GSG1L: variants seen among roughly 807,000 people sequenced by gnomAD.
GSG1L encodes the protein GSG1 like, also known as germ cell-specific gene 1-like protein.
In GSG1L, 24 loss-of-function variants were observed where a neutral mutation model predicts 42.1. The observed-to-expected ratio is 0.57, with a 90% CI of 0.41 to 0.80. The LOEUF is 0.80. Among genes scored for constraint, GSG1L ranks in the 30% least tolerant of loss-of-function variants. The pLI is 0.00. For synonymous variants in GSG1L, 215 were observed against 203.5 expected (o/e 1.06, Z -0.48); for missense variants, 445 against 472.2 (o/e 0.94, Z 0.53).
At chr16:27,797,370 T>C (rs1448198776) in intron 6 of GSG1L, among the ~76,000 whole-genome samples, 1 of 150,140 alleles carries the variant, frequency 6.7e-6, no homozygotes, top group Non-Finnish European at 1.5e-5. Flanking sequence ...TAAAAATACA[T>C]AAATTATCTT....
chr16:27,813,784 G>A (rs1028215440), intron 5 of GSG1L, among the ~76,000 whole-genome samples: 1 of 152,350 alleles, frequency 6.6e-6, no homozygotes, highest in South Asian at 2.1e-4. Flanking sequence ...CAGGAAACAC[G>A]GAGGGGACAA....
In GSG1L at chr16:27,789,034, C is replaced by A. The variant is rs551845129; in HGVS notation, c.*2336G>T. 1 of 152,306 alleles carries A rather than the reference C, an allele frequency of 6.6e-6. No individual in the cohort carries two copies. Among genetic ancestry groups the A allele is most frequent in the African/African-American group, 2.4e-5 (1 of 41,554 alleles). The allele number at this position is 152,306 out of a possible 1,614,324, so 9.4% of individuals were successfully genotyped here. A position where few individuals can be genotyped will look rare whatever the true frequency, so the allele number is the denominator to read the frequency against. On this transcript the variant is annotated 3_prime_UTR_variant, in exon 7 of 7. Coordinates refer to ENST00000447459, the MANE Select transcript of GSG1L (RefSeq NM_001109763.2). ...TATCAGTGAATAGATGGATGCACAGCTGGATGGTTGAGTAATGAGGATGTG... is the reference window on the plus strand; with the variant it reads ...TATCAGTGAATAGATGGATGCACAGATGGATGGTTGAGTAATGAGGATGTG...
At chr16:28,008,069 C>T (rs947366151) in intron 1 of GSG1L, among the ~76,000 whole-genome samples, 2 of 151,982 alleles carry the variant, frequency 1.3e-5, no homozygotes. Context: ...CCCAAATAAA[C>T]TGTATGGTTT....
chr16:27,826,095 T>A (rs2083204579), intron 5 of GSG1L, among the ~76,000 whole-genome samples: 1 of 152,090 alleles, frequency 6.6e-6, no homozygotes, highest in Non-Finnish European at 1.5e-5. Flanking sequence ...GGAGTGTGTG[T>A]TTAGACCCAG....
At chr16:27,914,812 A>G (rs543627770) in intron 2 of GSG1L, among the ~76,000 whole-genome samples, 1 of 152,340 alleles carries the variant, frequency 6.6e-6, no homozygotes, top group South Asian at 2.1e-4. Flanking sequence ...GGATACAACC[A>G]GGCTGATAGG....
Position 27,855,247 on chromosome 16 carries a change from A to AT in GSG1L, c.551-10187dup, listed in dbSNP as rs147062945. 5.1e-3 allele frequency among the ~76,000 whole-genome samples: 780 copies of AT among 152,226 alleles called. 7 individuals carry two copies. Among genetic ancestry groups the AT allele is most frequent in the African/African-American group, 0.018 (744 of 41,540 alleles). ...CTCCTTTGATCCCCACAACAGGCCC[A>AT]TTAGGTGTGCATTTCACAGGTGAGA... On this transcript the variant is annotated intron_variant, in intron 3 of 6. Transcript: ENST00000447459.
intron 1 of GSG1L, among the ~76,000 whole-genome samples, chr16:28,012,341 GC>G (rs1275169213): frequency 3.3e-5 from 5 of 152,140 alleles, no homozygotes; most frequent in African/African-American, 1.2e-4. Flanking sequence ...TCTGGAGGCA[GC>G]CCAAAATCCC....
At chr16:27,836,253 G>A (rs540059266) in intron 4 of GSG1L, among the ~76,000 whole-genome samples, 6 of 150,704 alleles carry the variant, frequency 4.0e-5, no homozygotes, top group African/African-American at 1.5e-4. Flanking sequence ...TAGTTAGGGA[G>A]GATGTTATTT....
At chr16:27,888,313 G>A (rs1324635005) in intron 2 of GSG1L, among the ~76,000 whole-genome samples, 1 of 152,236 alleles carries the variant, frequency 6.6e-6, no homozygotes, top group East Asian at 1.9e-4. Flanking sequence ...AGGTGGGGAT[G>A]CTCCGGAAGT....
intron 2 of GSG1L, among the ~76,000 whole-genome samples, chr16:27,909,719 G>A (rs1744670957): frequency 7.2e-6 from 1 of 139,198 alleles, no homozygotes; most frequent in Admixed American, 8.0e-5. Context: ...ATATCTCACA[G>A]CAGTCCCGAC....
chr16:27,836,504 T>C (rs2083322518), intron 4 of GSG1L, among the ~76,000 whole-genome samples: 1 of 152,166 alleles, frequency 6.6e-6, no homozygotes, highest in African/African-American at 2.4e-5. Context: ...TATTTTTGGT[T>C]GTAGTTCTAG....
chr16:27,857,097 C>T lies in GSG1L; in HGVS notation c.551-12036G>A, dbSNP rs576224110. On this transcript the variant is annotated intron_variant, in intron 3 of 6. Transcript: ENST00000447459. ...AAGACAAAGATCCCTAAATACTAGA[C>T]GCACCCTGTTTGAGGCAAGATGCTT... Among the ~76,000 whole-genome samples, 104 of 152,250 alleles carry T rather than the reference C, an allele frequency of 6.8e-4. 4 individuals carry two copies. The South Asian group carries it at 0.021, about 30-fold the overall frequency.
At chr16:27,792,430 G>A (rs8051306) in intron 6 of GSG1L, among the ~76,000 whole-genome samples, 6 of 152,084 alleles carry the variant, frequency 3.9e-5, no homozygotes, top group African/African-American at 9.7e-5. Flanking sequence ...TCACTCCTTC[G>A]TGTTTTTGGC....
rs148057100 is a variant in GSG1L, at chr16:28,042,749, G to A, written c.349+20327C>T. Among the ~76,000 whole-genome samples, 666 of 152,322 alleles carry A rather than the reference G, an allele frequency of 4.4e-3. 4 individuals are homozygous for A. The highest frequency in any genetic ancestry group is 0.015 in the African/African-American group (617 of 41,574). ...GACAATAAAAGCAGGTCCTTGAGAC[G>A]TGCTTGTTAGAGGAAACACACAATC... is the stretch of plus-strand genomic sequence containing the variant. On this transcript the variant is annotated intron_variant, in intron 1 of 6. Transcript: ENST00000447459.
At chr16:27,979,736 A>AAG (rs1567542996) in intron 1 of GSG1L, among the ~76,000 whole-genome samples, 6 of 76,464 alleles carry the variant, frequency 7.8e-5, no homozygotes, top group African/African-American at 1.3e-4. Context: ...GGAAAGAAAA[A>AAG]GAAAGAAAGA....
chr16:28,041,988 G>C (rs771579975), intron 1 of GSG1L, among the ~76,000 whole-genome samples: 18 of 152,182 alleles, frequency 1.2e-4, no homozygotes, highest in Non-Finnish European at 1.9e-4. Context: ...GGAGAAACGT[G>C]GGAATAGTGC....
At chr16:27,997,846 AC>A (rs1329715613) in intron 1 of GSG1L, among the ~76,000 whole-genome samples, 1 of 92,674 alleles carries the variant, frequency 1.1e-5, no homozygotes, top group Non-Finnish European at 2.2e-5. Context: ...ACTCCCTCCC[AC>A]CCTCTCCACT....
chr16:28,012,624 G>A (rs890423889), intron 1 of GSG1L, among the ~76,000 whole-genome samples: 8 of 151,956 alleles, frequency 5.3e-5, no homozygotes, highest in Non-Finnish European at 1.0e-4. Flanking sequence ...GGTGGCTCAT[G>A]CCTGTAATCC....
chr16:27,945,611 A>G (rs1376567196), intron 2 of GSG1L, among the ~76,000 whole-genome samples: 1 of 152,160 alleles, frequency 6.6e-6, no homozygotes, highest in Non-Finnish European at 1.5e-5. Flanking sequence ...TTTCAAGCAG[A>G]CGCCTGAGCA....
Sources: allele counts gnomAD v4.1 joint callset (sites outside exome capture counted in the v4.1 genomes callset), GRCh38; gene constraint gnomAD v4.1.1; transcripts MANE v1.5; gene names NCBI Gene and HGNC (gene_info 2026-07-23, HGNC 2026-07-21).